The following EPHB2 variants were observed in gnomAD, a reference collection of about 807,000 sequenced individuals.
EPHB2 encodes the protein EPH receptor B2, also known as ephrin type-B receptor 2.
Under a neutral mutation model 96.4 loss-of-function variants are expected in EPHB2, and 18 were observed. The observed-to-expected ratio is 0.19, with a 90% CI of 0.13 to 0.28. EPHB2 has a LOEUF of 0.28. Ranked by LOEUF, EPHB2 falls within the 10% of genes least tolerant of loss-of-function variation. EPHB2 has a pLI of 1.00. For synonymous variants in EPHB2, 506 were observed against 534.1 expected (o/e 0.95, Z 0.72); for missense variants, 989 against 1,355.4 (o/e 0.73, Z 4.25).
intron 1 of EPHB2, among the ~76,000 whole-genome samples, chr1:22,768,514 C>T (rs1465066747): frequency 6.6e-6 from 1 of 151,872 alleles, no homozygotes; most frequent in East Asian, 1.9e-4. Context: ...TAGCTAGACC[C>T]CAGTCTCTAC....
At chr1:22,904,603 G>A (rs1427330292) in intron 9 of EPHB2, among the ~76,000 whole-genome samples, 5 of 152,136 alleles carry the variant, frequency 3.3e-5, no homozygotes, top group Admixed American at 6.5e-5. Context: ...TTAGAGCAGC[G>A]GTTGACAAAT....
At chr1:22,717,729 C>T (rs1643329241) in intron 1 of EPHB2, among the ~76,000 whole-genome samples, 1 of 152,200 alleles carries the variant, frequency 6.6e-6, no homozygotes, top group South Asian at 2.1e-4. Flanking sequence ...CCTCGTGCCC[C>T]TGGCCAGAAT....
intron 1 of EPHB2, among the ~76,000 whole-genome samples, chr1:22,749,936 T>A (rs1454883772): frequency 1.3e-5 from 2 of 152,206 alleles, no homozygotes; most frequent in Admixed American, 6.5e-5. Flanking sequence ...GACTTTCTTC[T>A]CAAATTTTGA....
rs1645741478 is a variant in EPHB2, at chr1:22,858,626, G to A, written c.812-4411G>A. Among the ~76,000 whole-genome samples the A allele has an allele frequency of 1.3e-5, 2 of 152,192 alleles. No homozygotes were observed. The highest frequency in any genetic ancestry group is 4.1e-4 in the South Asian group (2 of 4,826). ...GCACGTGACATGCAGGTGCCAGCAGGACAGGTTCCCTTCCCACCCAGAAGT... is the reference window on the plus strand; with the variant it reads ...GCACGTGACATGCAGGTGCCAGCAGAACAGGTTCCCTTCCCACCCAGAAGT... On this transcript the variant is annotated intron_variant, in intron 3 of 15. Coordinates refer to ENST00000374630, the MANE Select transcript of EPHB2 (RefSeq NM_017449.5). The surrounding 1 kb of genome is among the most constrained non-coding windows in gnomAD (Gnocchi z 7.7).
intron 1 of EPHB2, among the ~76,000 whole-genome samples, chr1:22,755,221 C>A (rs1644130958): frequency 6.6e-6 from 1 of 152,090 alleles, no homozygotes; most frequent in Non-Finnish European, 1.5e-5. Context: ...TTGCAGATGG[C>A]CCCGGTGAGA....
chr1:22,778,779 C>T (rs1644488139), intron 1 of EPHB2, among the ~76,000 whole-genome samples: 1 of 152,212 alleles, frequency 6.6e-6, no homozygotes, highest in African/African-American at 2.4e-5. Flanking sequence ...AGTGGGGCCC[C>T]CCACCCTAAG....
At chr1:22,871,027 C>A (rs372439833) in intron 5 of EPHB2, among the ~76,000 whole-genome samples, 1 of 152,228 alleles carries the variant, frequency 6.6e-6, no homozygotes, top group African/African-American at 2.4e-5. Context: ...ATCCCCAAAA[C>A]GGCTCACATT....
intron 1 of EPHB2, among the ~76,000 whole-genome samples, chr1:22,751,390 A>T (rs1644060901): frequency 1.3e-5 from 2 of 152,344 alleles, no homozygotes; most frequent in South Asian, 4.2e-4. Context: ...GATCCCTGTT[A>T]TCTCTGCTGT....
intron 3 of EPHB2, among the ~76,000 whole-genome samples, chr1:22,813,900 C>G (rs980893816): frequency 6.6e-6 from 1 of 152,172 alleles, no homozygotes; most frequent in Non-Finnish European, 1.5e-5. Flanking sequence ...CATGGCTGGG[C>G]ACAGTGACTC....
At chr1:22,887,508 T>TC (rs1639264020) in intron 6 of EPHB2, among the ~76,000 whole-genome samples, 1 of 152,158 alleles carries the variant, frequency 6.6e-6, no homozygotes, top group Admixed American at 6.5e-5. Context: ...GAGCGGGCCC[T>TC]CCGTTTGGCC....
At chr1:22,824,605 G>A (rs1234902444) in intron 3 of EPHB2, among the ~76,000 whole-genome samples, 1 of 152,240 alleles carries the variant, frequency 6.6e-6, no homozygotes, top group Non-Finnish European at 1.5e-5. Flanking sequence ...CCATTGGGCA[G>A]CCGCCCCTGT....
intron 5 of EPHB2, among the ~76,000 whole-genome samples, chr1:22,868,341 G>A (rs773075767): frequency 2.0e-5 from 3 of 152,118 alleles, no homozygotes; most frequent in African/African-American, 4.8e-5. Flanking sequence ...TGGCTTTGCC[G>A]TTCATTTGCT....
chr1:22,826,421 G>T (rs544459796), intron 3 of EPHB2, among the ~76,000 whole-genome samples: 1 of 152,308 alleles, frequency 6.6e-6, no homozygotes, highest in African/African-American at 2.4e-5. Flanking sequence ...GGAATTCTAG[G>T]AGAATTTAAA....
intron 9 of EPHB2, 41 bp downstream of exon 9, chr1:22,896,519 C>A: frequency 6.2e-7 from 1 of 1,613,034 alleles, no homozygotes; most frequent in Non-Finnish European, 8.5e-7. Flanking sequence ...TTGGGCCCTT[C>A]ACTGTCGGTT....
chr1:22,751,446 G>A (rs1290819353), intron 1 of EPHB2, among the ~76,000 whole-genome samples: 1 of 152,220 alleles, frequency 6.6e-6, no homozygotes, highest in Non-Finnish European at 1.5e-5. Flanking sequence ...GCCCAAGTCA[G>A]CATTTTGGCC....
intron 3 of EPHB2, among the ~76,000 whole-genome samples, chr1:22,862,289 C>G (rs1367612287): frequency 6.6e-6 from 1 of 152,258 alleles, no homozygotes; most frequent in East Asian, 1.9e-4. Flanking sequence ...CCTCCTTAGG[C>G]TGGCCCTGGT....
chr1:22,873,972 C>T (rs1638755621), intron 5 of EPHB2, among the ~76,000 whole-genome samples: 2 of 152,192 alleles, frequency 1.3e-5, no homozygotes, highest in South Asian at 2.1e-4. Flanking sequence ...ATAGTTGTAG[C>T]GTCTGCCACA....
intron 3 of EPHB2, among the ~76,000 whole-genome samples, chr1:22,816,776 G>A (rs1477878856): frequency 1.3e-5 from 2 of 152,210 alleles, no homozygotes; most frequent in African/African-American, 4.8e-5. Context: ...GGCAGGAGAT[G>A]TATAAAGTCT....
At chr1:22,778,276 T>G (rs1327964122) in intron 1 of EPHB2, among the ~76,000 whole-genome samples, 4 of 145,106 alleles carry the variant, frequency 2.8e-5, no homozygotes, top group Admixed American at 1.4e-4. Context: ...TCTCCCCCCC[T>G]CAAAAGGTCC....
Sources: gnomAD v4.1 joint callset for allele counts (sites outside exome capture counted in the v4.1 genomes callset) on GRCh38, gnomAD v4.1.1 for gene constraint, Gnocchi (gnomAD v3.1) non-coding constraint, MANE v1.5 for transcripts, NCBI Gene and HGNC (gene_info 2026-07-23, HGNC 2026-07-21) for gene names.